The following NHSL1 variants were observed in gnomAD, a reference collection of about 807,000 sequenced individuals.
NHSL1 encodes NHS-like protein 1.
In NHSL1, 48 loss-of-function variants were observed where a neutral mutation model predicts 95.0. The observed-to-expected ratio is 0.51, with a 90% CI of 0.40 to 0.64. The LOEUF (loss-of-function observed/expected upper bound fraction) is 0.64. Among genes scored for constraint, NHSL1 ranks in the 30% least tolerant of loss-of-function variants. NHSL1 has a pLI of 0.00. For synonymous variants in NHSL1, 783 were observed against 833.9 expected, an observed-to-expected ratio of 0.94 and a Z score of 1.05; for missense variants, 1,971 against 2,077.7, an observed-to-expected ratio of 0.95 and a Z score of 1.00.
chr6:138,581,338 T>C (rs1227969649), intron 1 of NHSL1, among the ~76,000 whole-genome samples: 1 of 152,158 alleles, frequency 6.6e-6, no homozygotes, highest in East Asian at 1.9e-4. Flanking sequence ...TTTGGAAGAC[T>C]AGGCCTAACA....
intron 1 of NHSL1, among the ~76,000 whole-genome samples, chr6:138,661,694 C>T (rs1785229601): frequency 6.6e-6 from 1 of 151,312 alleles, no homozygotes; most frequent in Admixed American, 6.6e-5. Context: ...AAGAAAGAAA[C>T]ACCACAACTA....
At chr6:138,479,546 G>A (rs988982147) in intron 2 of NHSL1, among the ~76,000 whole-genome samples, 3 of 152,202 alleles carry the variant, frequency 2.0e-5, no homozygotes, top group Non-Finnish European at 4.4e-5. Context: ...AGGCAGGATG[G>A]AGGGGGCTGT....
chr6:138,656,663 G>A (rs1408837814), intron 1 of NHSL1, among the ~76,000 whole-genome samples: 1 of 152,222 alleles, frequency 6.6e-6, no homozygotes, highest in Non-Finnish European at 1.5e-5. Flanking sequence ...AACATGGTGT[G>A]TAAGGAAACA....
chr6:138,663,557 T>A (rs1785256242), intron 1 of NHSL1, among the ~76,000 whole-genome samples: 2 of 89,238 alleles, frequency 2.2e-5, no homozygotes, highest in East Asian at 3.3e-4. Flanking sequence ...CAAAACTCCA[T>A]CTCAAAAAAA....
At chr6:138,623,767 G>C (rs1562394998) in intron 1 of NHSL1, among the ~76,000 whole-genome samples, 1 of 152,136 alleles carries the variant, frequency 6.6e-6, no homozygotes, top group Non-Finnish European at 1.5e-5. Flanking sequence ...ATCTTGAATT[G>C]TAACCTCCAT....
chr6:138,444,535 A>G (rs1228093037), intron 4 of NHSL1, among the ~76,000 whole-genome samples: 3 of 150,698 alleles, frequency 2.0e-5, no homozygotes, highest in Admixed American at 2.0e-4. Context: ...CTAACATTCT[A>G]CCTCTATGCA....
At chr6:138,459,120 T>C (rs902898090) in intron 3 of NHSL1, among the ~76,000 whole-genome samples, 4 of 152,050 alleles carry the variant, frequency 2.6e-5, no homozygotes, top group Non-Finnish European at 4.4e-5. Flanking sequence ...GCCGAGTAGC[T>C]GGGATTACAG....
upstream of NHSL1, among the ~76,000 whole-genome samples, chr6:138,575,960 CATTT>C (rs10626397): frequency 0.084 from 12,215 of 144,608 alleles, 591 homozygotes; most frequent in African/African-American, 0.14. Flanking sequence ...AAAATCCCTA[CATTT>C]ATTTATTTAT....
intron 1 of NHSL1, among the ~76,000 whole-genome samples, chr6:138,611,847 T>A (rs981340278): frequency 6.6e-6 from 1 of 151,772 alleles, no homozygotes. Flanking sequence ...CAGTGTTTCA[T>A]GCCTGTAATC....
chr6:138,453,217 C>T (rs1232197202), intron 3 of NHSL1, among the ~76,000 whole-genome samples: 2 of 152,106 alleles, frequency 1.3e-5, no homozygotes, highest in African/African-American at 4.8e-5. Context: ...TCAGGTAATC[C>T]GCCCGCCTCA....
intron 2 of NHSL1, among the ~76,000 whole-genome samples, chr6:138,489,379 A>G (rs1481858237): frequency 2.6e-5 from 4 of 152,120 alleles, no homozygotes; most frequent in Admixed American, 2.0e-4. Context: ...ACAAAATTAA[A>G]CTCAAGTAAC....
At chr6:138,635,261 GGT>G (rs995025857) in intron 1 of NHSL1, among the ~76,000 whole-genome samples, 4 of 151,926 alleles carry the variant, frequency 2.6e-5, no homozygotes, top group Non-Finnish European at 5.9e-5. Flanking sequence ...ACAAAACGTT[GGT>G]TTTTTGGAAA....
intron 3 of NHSL1, among the ~76,000 whole-genome samples, chr6:138,447,960 T>C (rs1477440135): frequency 6.6e-6 from 1 of 152,214 alleles, no homozygotes; most frequent in Non-Finnish European, 1.5e-5. Context: ...ATAGAGCTAT[T>C]GTTGTTCAAC....
chr6:138,582,769 T>C (rs1784080681), intron 1 of NHSL1, among the ~76,000 whole-genome samples: 1 of 152,212 alleles, frequency 6.6e-6, no homozygotes, highest in African/African-American at 2.4e-5. Context: ...CTCCAGGCCC[T>C]TGACTCTTTA....
At chr6:138,513,140 G>A (rs778226216) in intron 1 of NHSL1, among the ~76,000 whole-genome samples, 5 of 152,152 alleles carry the variant, frequency 3.3e-5, no homozygotes, top group Non-Finnish European at 7.3e-5. Context: ...TGCCAACCTC[G>A]GTGCCATGCA....
chr6:138,609,055 A>G (rs146244362), intron 1 of NHSL1, among the ~76,000 whole-genome samples: 36 of 152,346 alleles, frequency 2.4e-4, no homozygotes, highest in Non-Finnish European at 3.8e-4. Flanking sequence ...AGGGAGAATA[A>G]TGCCTATGTA....
At chr6:138,670,393 G>T (rs572061900) in intron 1 of NHSL1, among the ~76,000 whole-genome samples, 1 of 151,304 alleles carries the variant, frequency 6.6e-6, no homozygotes, top group Non-Finnish European at 1.5e-5. Flanking sequence ...AAGGCCGGGC[G>T]CGGTGGCTCA....
At chr6:138,450,151 TAA>T (rs1777134961) in intron 3 of NHSL1, among the ~76,000 whole-genome samples, 1 of 152,148 alleles carries the variant, frequency 6.6e-6, no homozygotes. Flanking sequence ...TTGTGACACT[TAA>T]GTTTGATTTA....
At chr6:138,608,068 G>A (rs992991837) in intron 1 of NHSL1, among the ~76,000 whole-genome samples, 6 of 152,318 alleles carry the variant, frequency 3.9e-5, no homozygotes, top group East Asian at 1.9e-4. Flanking sequence ...CTGCGCAGCA[G>A]GGAACACTCT....
Sources: gnomAD v4.1 joint callset for allele counts (sites outside exome capture counted in the v4.1 genomes callset) on GRCh38, gnomAD v4.1.1 for gene constraint, MANE v1.5 for transcripts, NCBI Gene and HGNC (gene_info 2026-07-23, HGNC 2026-07-21) for gene names.